The following ZC3H12B variants were observed in gnomAD, a reference collection of about 807,000 sequenced individuals.
The protein encoded by ZC3H12B is zinc finger CCCH-type containing 12B.
In ZC3H12B, 7 loss-of-function variants were observed where a neutral mutation model predicts 43.9. The ratio of observed to expected loss-of-function variants is 0.16; its 90% CI spans 0.09 to 0.30. The LOEUF is 0.30. Among genes scored for constraint, ZC3H12B ranks in the 10% least tolerant of loss-of-function variants. ZC3H12B has a pLI of 1.00. For missense variants in ZC3H12B, 475 were observed against 670.2 expected, an observed-to-expected ratio of 0.71 and a Z score of 3.22; for synonymous variants, 222 against 241.7, an observed-to-expected ratio of 0.92 and a Z score of 0.76.
At chrX:65,235,417 G>T in the ZC3H12B span, among the ~76,000 whole-genome samples, 1 of 111,740 alleles carries the variant, frequency 8.9e-6, no homozygotes, top group Non-Finnish European at 1.9e-5. Flanking sequence ...CCTCATTGTG[G>T]TTTTGCTTTG....
the ZC3H12B span, among the ~76,000 whole-genome samples, chrX:65,209,663 G>C: frequency 9.1e-6 from 1 of 110,228 alleles, no homozygotes; most frequent in Non-Finnish European, 1.9e-5. Context: ...CTGTTGATTT[G>C]GGGTGGAGAG....
At chrX:65,294,781 C>T in the ZC3H12B span, among the ~76,000 whole-genome samples, 1 of 111,342 alleles carries the variant, frequency 9.0e-6, no homozygotes, top group Admixed American at 9.5e-5. Context: ...GATAAAAGGA[C>T]TTGTCCAACA....
the ZC3H12B span, among the ~76,000 whole-genome samples, chrX:65,153,229 A>G: frequency 1.8e-5 from 2 of 112,205 alleles, no homozygotes; most frequent in South Asian, 7.4e-4. Context: ...CAAAATTGAC[A>G]AATGGGATCT....
At chrX:65,330,065 G>T in the ZC3H12B span, among the ~76,000 whole-genome samples, 1 of 111,624 alleles carries the variant, frequency 9.0e-6, no homozygotes, top group Non-Finnish European at 1.9e-5. Flanking sequence ...CTTTAAAGTA[G>T]TTTTTTCCAA....
At chrX:65,204,433 G>C in the ZC3H12B span, among the ~76,000 whole-genome samples, 1 of 111,672 alleles carries the variant, frequency 9.0e-6, no homozygotes, top group East Asian at 2.8e-4. Context: ...CAAAATGCCT[G>C]TCATTTTTCA....
At chrX:65,178,076 T>A in the ZC3H12B span, among the ~76,000 whole-genome samples, 1 of 111,270 alleles carries the variant, frequency 9.0e-6, no homozygotes, top group African/African-American at 3.3e-5. Flanking sequence ...CATAGACAAA[T>A]AAAACAGAAC....
chrX:65,285,309 C>A, the ZC3H12B span, among the ~76,000 whole-genome samples: 1 of 110,276 alleles, frequency 9.1e-6, no homozygotes, highest in East Asian at 2.8e-4. Context: ...TCCATGGTAT[C>A]ATTCTCATGC....
chrX:65,228,266 G>T, the ZC3H12B span, among the ~76,000 whole-genome samples: 3 of 111,704 alleles, frequency 2.7e-5, no homozygotes, highest in Non-Finnish European at 5.6e-5. Flanking sequence ...CATATAAACA[G>T]AAACAAAGAC....
chrX:65,092,207 G>A, the ZC3H12B span, among the ~76,000 whole-genome samples: 1 of 111,923 alleles, frequency 8.9e-6, no homozygotes, highest in African/African-American at 3.2e-5. Context: ...TTCCTGTACA[G>A]CCTGTGGAAC....
At chrX:65,436,222 G>A (rs756635953) in intron 3 of ZC3H12B, among the ~76,000 whole-genome samples, 4 of 111,755 alleles carry the variant, frequency 3.6e-5, no homozygotes, top group Non-Finnish European at 7.5e-5. Flanking sequence ...ACAGCAAGGG[G>A]GATGTCTGCC....
chrX:65,366,582 G>T (rs761762185), upstream of ZC3H12B: 1 of 111,510 alleles, frequency 9.0e-6, no homozygotes, highest in African/African-American at 3.3e-5. Context: ...ATTTAACTCC[G>T]AGGGGTTTAT....
chrX:65,181,824 C>A, the ZC3H12B span, among the ~76,000 whole-genome samples: 3 of 111,928 alleles, frequency 2.7e-5, no homozygotes, highest in Non-Finnish European at 5.6e-5. Context: ...TTACTTCAAC[C>A]ATTGTGGAAG....
the ZC3H12B span, among the ~76,000 whole-genome samples, chrX:65,291,009 A>C: frequency 4.5e-5 from 5 of 111,702 alleles, no homozygotes; most frequent in Non-Finnish European, 9.5e-5. Flanking sequence ...CCGTGACTTG[A>C]TCACTATGCC....
chrX:65,061,203 G>T, the ZC3H12B span, among the ~76,000 whole-genome samples: 1 of 110,532 alleles, frequency 9.0e-6, no homozygotes, highest in Admixed American at 9.7e-5. Flanking sequence ...GAACGTGCAG[G>T]TTTGTTACGT....
rs970927643 is a variant in ZC3H12B, at chrX:65,498,960, A to T, written c.749-39A>T. The T allele has an allele frequency of 3.7e-6, 4 of 1,073,722 alleles. No homozygotes were observed. The African/African-American group carries it at 5.5e-5, about 15-fold the overall frequency. The allele number at this position is 1,073,722 out of a possible 1,213,427, so 88.5% of individuals were successfully genotyped here. A position where few individuals can be genotyped will look rare whatever the true frequency, so the allele number is the denominator to read the frequency against. On this transcript the variant is annotated intron_variant, in intron 2 of 4. Transcript: ENST00000338957. The stretch of plus-strand genomic sequence containing the variant: ...GGGGTAATACTGTTAATTTCCAAAG[A>T]TGATTTCTGCTCTGTGGCATATAAT...
At chrX:65,185,957 T>C in the ZC3H12B span, 2 of 111,576 alleles carry the variant, frequency 1.8e-5, no homozygotes, top group African/African-American at 6.5e-5. Context: ...CCAAAATCTA[T>C]ATTAGCAAGT....
chrX:65,182,189 G>T, the ZC3H12B span, among the ~76,000 whole-genome samples: 2 of 111,282 alleles, frequency 1.8e-5, no homozygotes, highest in Admixed American at 1.9e-4. Flanking sequence ...ACTCATTAGT[G>T]GGAGTTGAAC....
At chrX:65,165,388 C>G in the ZC3H12B span, among the ~76,000 whole-genome samples, 2 of 111,639 alleles carry the variant, frequency 1.8e-5, no homozygotes, top group African/African-American at 6.5e-5. Flanking sequence ...GGTTTTAAGC[C>G]CTGCATGCAT....
At chrX:65,263,360 A>G in the ZC3H12B span, among the ~76,000 whole-genome samples, 1 of 111,011 alleles carries the variant, frequency 9.0e-6, no homozygotes, top group Non-Finnish European at 1.9e-5. Context: ...GGGAGAGTAA[A>G]TGTCTCGTAG....
Sources: gnomAD v4.1 joint callset for allele counts (sites outside exome capture counted in the v4.1 genomes callset) on GRCh38, gnomAD v4.1.1 for gene constraint, MANE v1.5 for transcripts, NCBI Gene and HGNC (gene_info 2026-07-23, HGNC 2026-07-21) for gene names.